The following KDM1B variants were observed in gnomAD, a reference collection of about 807,000 sequenced individuals.
KDM1B encodes lysine-specific histone demethylase 2.
In KDM1B, 63 loss-of-function variants were observed where a neutral mutation model predicts 107.4. The observed-to-expected ratio is 0.59, with a 90% confidence interval of 0.48 to 0.72. KDM1B has a LOEUF of 0.72. KDM1B is among the 30% of genes least tolerant of loss of function. The pLI, the probability that KDM1B is intolerant of heterozygous loss-of-function variation, is 0.00. For synonymous variants in KDM1B, 363 were observed against 363.9 expected, an observed-to-expected ratio of 1.00 and a Z score of 0.03; for missense variants, 749 against 1,020.8, an observed-to-expected ratio of 0.73 and a Z score of 3.63.
chr6:18,208,996 A>G (rs1788624408), intron 17 of KDM1B, among the ~76,000 whole-genome samples: 2 of 152,090 alleles, frequency 1.3e-5, no homozygotes, highest in Non-Finnish European at 2.9e-5. Flanking sequence ...CCTGCATTAA[A>G]GAAATCTATT....
chr6:18,181,824 G>C (rs771545897), intron 7 of KDM1B, among the ~76,000 whole-genome samples: 1 of 152,092 alleles, frequency 6.6e-6, no homozygotes, highest in African/African-American at 2.4e-5. Flanking sequence ...AATTTTAGTT[G>C]ATATTGGTCA....
At chr6:18,163,714 A>G (rs530575197) in intron 5 of KDM1B, among the ~76,000 whole-genome samples, 2 of 152,322 alleles carry the variant, frequency 1.3e-5, no homozygotes, top group Non-Finnish European at 2.9e-5. Flanking sequence ...TAATTTACAA[A>G]TATTTGGGAC....
At chr6:18,173,437 T>C (rs1785792787) in intron 7 of KDM1B, among the ~76,000 whole-genome samples, 2 of 152,148 alleles carry the variant, frequency 1.3e-5, no homozygotes, top group South Asian at 2.1e-4. Flanking sequence ...GAATATTTTT[T>C]CCCCCCAGTT....
At chr6:18,217,948 A>T (rs927368158) in intron 21 of KDM1B, 63 bp downstream of exon 21, 2 of 1,542,570 alleles carry the variant, frequency 1.3e-6, no homozygotes, top group Admixed American at 3.6e-5. Context: ...ATCTAAAATG[A>T]TATCTGCCCA....
chr6:18,219,915 T>G (rs962957651), intron 21 of KDM1B, among the ~76,000 whole-genome samples: 11 of 152,218 alleles, frequency 7.2e-5, no homozygotes, highest in African/African-American at 2.2e-4. Flanking sequence ...TATTTGGTGC[T>G]TCGCCCTGAT....
chr6:18,207,657 T>G (rs1419324809), intron 16 of KDM1B, 128 bp downstream of exon 16: 7 of 1,111,584 alleles, frequency 6.3e-6, no homozygotes, highest in African/African-American at 1.5e-5. Flanking sequence ...AGTACTTTTG[T>G]GGCTCATTCG....
At position 18,191,385 on chromosome 6, in the gene KDM1B, A is replaced by G; in HGVS notation, c.969+4A>G. ...ACTGTGGTATACTAACTGCAAAGTA[A>G]GTAAGGGCATGTTAGCCAATAGCAC... On this transcript the variant is annotated splice_donor_region_variant and intron_variant, in intron 10 of 21. Coordinates refer to ENST00000650836, the MANE Select transcript of KDM1B (RefSeq NM_001364614.2). This position sits in a 1 kb window ranked among gnomAD's most constrained non-coding sequence, Gnocchi z 5.1. 6.4e-7 allele frequency: 1 copy of G among 1,550,512 alleles called. No individual in the cohort carries two copies. The highest frequency in any genetic ancestry group is 8.7e-7 in the Non-Finnish European group (1 of 1,146,684).
Position 18,203,461 on chromosome 6 carries a change from C to T in KDM1B, c.1531+1804C>T, listed in dbSNP as rs993629526. 1.3e-5 allele frequency among the ~76,000 whole-genome samples: 2 copies of T among 152,234 alleles called. No homozygotes were observed. The highest frequency in any genetic ancestry group is 2.9e-5 in the Non-Finnish European group (2 of 68,024). On this transcript the variant is annotated intron_variant, in intron 14 of 21. Transcript: ENST00000650836. The surrounding 1 kb of genome is among the most constrained non-coding windows in gnomAD (Gnocchi z 5.5). ...TTAGCTGTCTGAGATCTCATCTTAC[C>T]AGCACAAAGCTGGGGAAACTCAAAT...
Position 18,213,303 on chromosome 6 carries a change from G to T in KDM1B, c.1984-353G>T, listed in dbSNP as rs1377626696. On this transcript the variant is annotated intron_variant, in intron 18 of 21. Transcript: ENST00000650836. The surrounding 1 kb of genome is among the most constrained non-coding windows in gnomAD (Gnocchi z 5.9). ...AATACAAAATTCGCTGGGCGTGGTGGTGTGCACCTGTAATCCCAGCTACTT... is the reference window on the plus strand; with the variant it reads ...AATACAAAATTCGCTGGGCGTGGTGTTGTGCACCTGTAATCCCAGCTACTT... Among the ~76,000 whole-genome samples, 1 of 152,054 alleles carries T rather than the reference G, an allele frequency of 6.6e-6. No homozygotes were observed. Among genetic ancestry groups the T allele is most frequent in the Non-Finnish European group, 1.5e-5 (1 of 68,002 alleles).
chr6:18,189,717 A>G lies in KDM1B; in HGVS notation c.785-1480A>G, dbSNP rs563485035. Among the ~76,000 whole-genome samples the G allele has an allele frequency of 1.7e-4, 26 of 152,348 alleles. No individual in the cohort carries two copies. The South Asian group carries it at 5.2e-3, about 30-fold the overall frequency. ...GAAGGCAAATATCTATTATGTGAAT[A>G]TTCTCTGTTAATAGACACAGAAATA... On this transcript the variant is annotated intron_variant, in intron 9 of 21. Transcript: ENST00000650836.
In KDM1B at chr6:18,181,620, C is replaced by T. The variant is rs112545788; in HGVS notation, c.535-4152C>T. ...AATTACCTGGGCCTGGTGACGCGCT[C>T]CTGTAGTCCCGGCTACTTGGGAGAC... On this transcript the variant is annotated intron_variant, in intron 7 of 21. Coordinates refer to ENST00000650836, the MANE Select transcript of KDM1B (RefSeq NM_001364614.2). Among the ~76,000 whole-genome samples the T allele has an allele frequency of 8.1e-3, 1,239 of 152,068 alleles. 21 individuals carry two copies. The highest frequency in any genetic ancestry group is 0.029 in the African/African-American group (1,183 of 41,502).
In KDM1B at chr6:18,209,285, A is replaced by G. The variant is rs1788644521; in HGVS notation, c.1866+1079A>G. On this transcript the variant is annotated intron_variant, in intron 17 of 21. Transcript: ENST00000650836. This position sits in a 1 kb window ranked among gnomAD's most constrained non-coding sequence, Gnocchi z 4.3. ...GAAAATTTAAGTTTAGTTATATCTT[A>G]AGTGACTATGAAAAAATATAATTGA... 6.6e-6 allele frequency among the ~76,000 whole-genome samples: 1 copy of G among 152,212 alleles called. No homozygotes were observed. Among genetic ancestry groups the G allele is most frequent in the Non-Finnish European group, 1.5e-5 (1 of 68,042 alleles).
intron 9 of KDM1B, among the ~76,000 whole-genome samples, chr6:18,190,143 C>CT (rs1345733218): frequency 7.6e-6 from 1 of 131,130 alleles, no homozygotes; most frequent in African/African-American, 2.6e-5. Flanking sequence ...GAACAAGACT[C>CT]TGTCTCGAGA....
At chr6:18,218,592 C>T (rs984032413) in intron 21 of KDM1B, among the ~76,000 whole-genome samples, 6 of 152,170 alleles carry the variant, frequency 3.9e-5, no homozygotes, top group Non-Finnish European at 8.8e-5. Context: ...TCATTTACTG[C>T]TGAGCCAAGA....
At chr6:18,165,403 T>G (rs1365829889) in intron 5 of KDM1B, among the ~76,000 whole-genome samples, 2 of 152,104 alleles carry the variant, frequency 1.3e-5, no homozygotes, top group Non-Finnish European at 2.9e-5. Context: ...GTGCTGGGAT[T>G]ACAGGCGTGA....
In KDM1B at chr6:18,200,425, GTC is replaced by G; in HGVS notation, c.1222-12_1222-11del. ...TGTGTCCTATTTAGCTTCCCTGACT[GTC>G]TGTCTTTTTAGGTGACTGTCCTGGA... On this transcript the variant is annotated splice_polypyrimidine_tract_variant and intron_variant, in intron 12 of 21. Coordinates refer to ENST00000650836, the MANE Select transcript of KDM1B (RefSeq NM_001364614.2). This position sits in a 1 kb window ranked among gnomAD's most constrained non-coding sequence, Gnocchi z 4.3. 1 of 1,612,374 alleles carries G rather than the reference GTC, an allele frequency of 6.2e-7. No individual in the cohort carries two copies. Among genetic ancestry groups the G allele is most frequent in the Non-Finnish European group, 8.5e-7 (1 of 1,179,322 alleles).
At chr6:18,184,195 A>AGTTTT (rs991369036) in intron 7 of KDM1B, among the ~76,000 whole-genome samples, 1 of 149,358 alleles carries the variant, frequency 6.7e-6, no homozygotes, top group East Asian at 2.0e-4. Context: ...ACAATCATAT[A>AGTTTT]GTTTTGTTTT....
At chr6:18,221,475 G>A (rs190077625) in intron 21 of KDM1B, among the ~76,000 whole-genome samples, 28 of 152,062 alleles carry the variant, frequency 1.8e-4, no homozygotes, top group African/African-American at 2.9e-4. Context: ...TTGAACTTAC[G>A]GTCCCTGGTA....
Position 18,213,846 on chromosome 6 carries a change from T to G in KDM1B, c.2109+65T>G. 6.4e-7 allele frequency: 1 copy of G among 1,559,250 alleles called. No homozygotes were observed. Among genetic ancestry groups the G allele is most frequent in the Middle Eastern group, 1.7e-4 (1 of 5,878 alleles). ...AAAGTTTAGAATTTGATGTGATAAT[T>G]ACTCACCTATCAAGCTCAGGAACTA... is the stretch of plus-strand genomic sequence containing the variant. On this transcript the variant is annotated intron_variant, in intron 19 of 21. Coordinates refer to ENST00000650836, the MANE Select transcript of KDM1B (RefSeq NM_001364614.2). This position sits in a 1 kb window ranked among gnomAD's most constrained non-coding sequence, Gnocchi z 5.9.
Sources: gnomAD v4.1 joint callset for allele counts (sites outside exome capture counted in the v4.1 genomes callset) on GRCh38, gnomAD v4.1.1 for gene constraint, Gnocchi (gnomAD v3.1) non-coding constraint, MANE v1.5 for transcripts, NCBI Gene and HGNC (gene_info 2026-07-23, HGNC 2026-07-21) for gene names.